MLLT3: variants seen among roughly 807,000 people sequenced by gnomAD.
The protein encoded by MLLT3 is MLLT3 super elongation complex subunit.
Under a neutral mutation model 53.2 loss-of-function variants are expected in MLLT3, and 4 were observed. The ratio of observed to expected loss-of-function variants is 0.08; its 90% CI spans 0.04 to 0.17. The LOEUF (loss-of-function observed/expected upper bound fraction) is 0.17. MLLT3 is among the 10% of genes least tolerant of loss of function. The pLI is 1.00. For synonymous variants in MLLT3, 283 were observed against 230.6 expected (o/e 1.23, Z -2.06); for missense variants, 569 against 684.0 (o/e 0.83, Z 1.87).
At chr9:20,586,795 A>C (rs1819977205) in intron 2 of MLLT3, among the ~76,000 whole-genome samples, 1 of 152,180 alleles carries the variant, frequency 6.6e-6, no homozygotes, top group African/African-American at 2.4e-5. Flanking sequence ...CATTCCTCTA[A>C]GGAGCCAGCA....
intron 2 of MLLT3, among the ~76,000 whole-genome samples, chr9:20,539,341 A>G (rs1328373897): frequency 2.6e-5 from 4 of 152,236 alleles, no homozygotes; most frequent in African/African-American, 9.6e-5. Context: ...ATCTTTACCA[A>G]GAGTAGTACA....
At chr9:20,375,064 C>T (rs977298003) in intron 5 of MLLT3, among the ~76,000 whole-genome samples, 7 of 152,190 alleles carry the variant, frequency 4.6e-5, no homozygotes, top group Admixed American at 3.9e-4. Flanking sequence ...AGAGACCTTA[C>T]CAGATTCCTT....
chr9:20,407,287 C>G (rs2118759745), intron 5 of MLLT3, among the ~76,000 whole-genome samples: 1 of 152,302 alleles, frequency 6.6e-6, no homozygotes, highest in South Asian at 2.1e-4. Context: ...ATGGGAAAAA[C>G]TCTGGAAACA....
rs192539233 is a variant in MLLT3 at position 20,399,601 on chromosome 9, C to G, written c.1125+14120G>C. Among the ~76,000 whole-genome samples, 210 of 152,100 alleles carry G rather than the reference C, an allele frequency of 1.4e-3. 3 individuals carry two copies. The highest frequency in any genetic ancestry group is 0.01 in the Admixed American group (160 of 15,252). ...TTTCAAAGAATAAGTGAAAGTTAACCAGGTCATAAAGGACTCAGGGTAATA... is the reference window on the plus strand; with the variant it reads ...TTTCAAAGAATAAGTGAAAGTTAACGAGGTCATAAAGGACTCAGGGTAATA... On this transcript the variant is annotated intron_variant, in intron 5 of 10. Coordinates refer to ENST00000380338, the MANE Select transcript of MLLT3 (RefSeq NM_004529.4).
intron 4 of MLLT3, among the ~76,000 whole-genome samples, chr9:20,430,084 C>T (rs1257223286): frequency 6.6e-6 from 1 of 152,050 alleles, no homozygotes; most frequent in Non-Finnish European, 1.5e-5. Context: ...CATATTTACA[C>T]ATCAGGAACA....
chr9:20,455,919 G>A (rs1347085486), intron 3 of MLLT3, among the ~76,000 whole-genome samples: 1 of 146,880 alleles, frequency 6.8e-6, no homozygotes, highest in Non-Finnish European at 1.5e-5. Context: ...CATATGTACT[G>A]CTAAAAACTT....
At chr9:20,444,613 C>T (rs1823643658) in intron 4 of MLLT3, among the ~76,000 whole-genome samples, 2 of 152,144 alleles carry the variant, frequency 1.3e-5, no homozygotes, top group South Asian at 4.1e-4. Context: ...TGACTCACAC[C>T]TGTAGTTAGA....
chr9:20,526,821 T>G lies in MLLT3; in HGVS notation c.194-70035A>C, dbSNP rs74711735. On this transcript the variant is annotated intron_variant, in intron 2 of 10. Coordinates refer to ENST00000380338, the MANE Select transcript of MLLT3 (RefSeq NM_004529.4). Reference sequence around the variant, plus strand: ...ACATTCCTGCCAATACTTCATTGTCTTTAGCAATTCTGGTGGTGGTGTAGT... The same window carrying G: ...ACATTCCTGCCAATACTTCATTGTCGTTAGCAATTCTGGTGGTGGTGTAGT... Among the ~76,000 whole-genome samples the G allele has an allele frequency of 9.3e-3, 1,416 of 152,292 alleles. 25 individuals are homozygous for G. The highest frequency in any genetic ancestry group is 0.033 in the African/African-American group (1,353 of 41,566).
intron 2 of MLLT3, among the ~76,000 whole-genome samples, chr9:20,531,318 T>A (rs1330651625): frequency 6.6e-6 from 1 of 152,064 alleles, no homozygotes; most frequent in East Asian, 1.9e-4. Flanking sequence ...GTGTTTTTAG[T>A]AGAGACAGCG....
chr9:20,364,089 G>A (rs1821390623), intron 6 of MLLT3, among the ~76,000 whole-genome samples: 1 of 152,194 alleles, frequency 6.6e-6, no homozygotes, highest in Non-Finnish European at 1.5e-5. Flanking sequence ...TTTCAGTCAA[G>A]TTCAGATTAT....
chr9:20,360,685 A>G, intron 8 of MLLT3, 57 bp downstream of exon 8: 2 of 1,407,604 alleles, frequency 1.4e-6, no homozygotes, highest in South Asian at 2.3e-5. Flanking sequence ...CATGCTTTGT[A>G]AAAATGATTA....
At chr9:20,501,643 T>C (rs977155368) in intron 2 of MLLT3, among the ~76,000 whole-genome samples, 2 of 148,956 alleles carry the variant, frequency 1.3e-5, no homozygotes, top group South Asian at 2.1e-4. Context: ...CCCAGCTACT[T>C]GGGAGGCTGA....
intron 2 of MLLT3, among the ~76,000 whole-genome samples, chr9:20,486,051 C>T (rs569438306): frequency 6.6e-6 from 1 of 152,204 alleles, no homozygotes; most frequent in African/African-American, 2.4e-5. Flanking sequence ...CATGAAGTAA[C>T]ACTTCACTCA....
intron 2 of MLLT3, among the ~76,000 whole-genome samples, chr9:20,617,757 T>C (rs965983527): frequency 5.9e-5 from 9 of 152,174 alleles, no homozygotes; most frequent in African/African-American, 1.7e-4. Context: ...AAAATCTCTT[T>C]TCTAAGATTT....
At position 20,437,032 on chromosome 9, in the gene MLLT3, C is replaced by G. The variant is rs117525274; in HGVS notation, c.420+11091G>C. Among the ~76,000 whole-genome samples the G allele has an allele frequency of 1.0e-3, 153 of 152,072 alleles. No homozygotes were observed. The East Asian group carries it at 0.024, about 24-fold the overall frequency. ...GATTAGTAATGTGCCCAAAGACACACAGCTACTAAGCACCAATACCAGCAT... is the reference window on the plus strand; with the variant it reads ...GATTAGTAATGTGCCCAAAGACACAGAGCTACTAAGCACCAATACCAGCAT... On this transcript the variant is annotated intron_variant, in intron 4 of 10. Transcript: ENST00000380338.
Position 20,622,498 on chromosome 9 carries a change from T to C in MLLT3, c.-242A>G, listed in dbSNP as rs1821052215. On this transcript the variant is annotated 5_prime_UTR_variant, in exon 1 of 11. Transcript: ENST00000380338. Reference sequence around the variant, plus strand: ...AGCAGCTCCAGGGTAAAGAAGATGATTGCGGAGCATGCGCCGTGGCGCCTG... The same window carrying C: ...AGCAGCTCCAGGGTAAAGAAGATGACTGCGGAGCATGCGCCGTGGCGCCTG... 2.2e-6 allele frequency: 1 copy of C among 464,476 alleles called. No individual in the cohort carries two copies. The highest frequency in any genetic ancestry group is 3.8e-6 in the Non-Finnish European group (1 of 263,338). The allele number at this position is 464,476 out of a possible 1,614,324, so 28.8% of individuals were successfully genotyped here.
At chr9:20,501,013 G>A (rs1825209490) in intron 2 of MLLT3, among the ~76,000 whole-genome samples, 1 of 152,040 alleles carries the variant, frequency 6.6e-6, no homozygotes. Flanking sequence ...AAAACACACA[G>A]ATACACACAC....
intron 2 of MLLT3, among the ~76,000 whole-genome samples, chr9:20,492,528 A>C (rs1308883624): frequency 6.6e-6 from 1 of 151,998 alleles, no homozygotes; most frequent in Non-Finnish European, 1.5e-5. Flanking sequence ...ACATAAAAAT[A>C]AAATCATGAA....
At chr9:20,424,752 T>G (rs768147099) in intron 4 of MLLT3, among the ~76,000 whole-genome samples, 6 of 152,186 alleles carry the variant, frequency 3.9e-5, no homozygotes, top group Non-Finnish European at 8.8e-5. Flanking sequence ...TGGAAACTAA[T>G]CTACTCAGCT....
Sources: allele counts gnomAD v4.1 joint callset (sites outside exome capture counted in the v4.1 genomes callset), GRCh38; gene constraint gnomAD v4.1.1; transcripts MANE v1.5; gene names NCBI Gene and HGNC (gene_info 2026-07-23, HGNC 2026-07-21).